The following ARHGAP10 variants were observed in gnomAD, a reference collection of about 807,000 sequenced individuals.
ARHGAP10 encodes rho GTPase-activating protein 10.
A neutral mutation model predicts 108.6 loss-of-function variants in ARHGAP10; 87 were observed. The observed-to-expected ratio is 0.80, with a 90% CI of 0.67 to 0.96. ARHGAP10 has a LOEUF of 0.96. Ranked by LOEUF, ARHGAP10 falls within the 40% of genes least tolerant of loss-of-function variation. The pLI, the probability that ARHGAP10 is intolerant of heterozygous loss-of-function variation, is 0.00. For synonymous variants in ARHGAP10, 347 were observed against 341.1 expected (o/e 1.02, Z -0.19); for missense variants, 939 against 954.5 (o/e 0.98, Z 0.21).
chr4:147,963,961 T>C (rs1397235782), intron 16 of ARHGAP10, among the ~76,000 whole-genome samples: 2 of 152,244 alleles, frequency 1.3e-5, no homozygotes, highest in Admixed American at 6.5e-5. Flanking sequence ...ACTTCAGTTA[T>C]GATCTCATCT....
At chr4:147,798,771 CTCTCTCTCTCTATATATATA>C (rs1560764809) in intron 1 of ARHGAP10, among the ~76,000 whole-genome samples, 5 of 5,008 alleles carry the variant, frequency 1.0e-3, no homozygotes, top group African/African-American at 1.2e-3. Flanking sequence ...CTCTCTCTCT[CTCTCTCTCTCTATATATATA>C]TATATATATA....
At chr4:148,006,549 C>G (rs1428363604) in intron 18 of ARHGAP10, among the ~76,000 whole-genome samples, 1 of 152,118 alleles carries the variant, frequency 6.6e-6, no homozygotes, top group East Asian at 1.9e-4. Flanking sequence ...TTAGAGAGCT[C>G]TTTCATCAAC....
chr4:148,043,421 G>T (rs569044193), intron 19 of ARHGAP10, among the ~76,000 whole-genome samples: 2 of 151,732 alleles, frequency 1.3e-5, no homozygotes, highest in African/African-American at 4.8e-5. Flanking sequence ...GAAATGATAG[G>T]TGAAAAATAA....
rs1028497840 is a variant in ARHGAP10 at position 148,062,877 on chromosome 4, T to C, written c.2028-271T>C. 8.5e-5 allele frequency among the ~76,000 whole-genome samples: 13 copies of C among 152,222 alleles called. 1 individual carries two copies. Among genetic ancestry groups the C allele is most frequent in the Admixed American group, 8.5e-4 (13 of 15,278 alleles). ...AATTAGATTCTGGTTTTCTAATTAG[T>C]GAACTCATAGGGTGCTAGCAGGTTG... On this transcript the variant is annotated intron_variant, in intron 20 of 22. Transcript: ENST00000336498.
chr4:147,848,553 C>G (rs1733727260), intron 4 of ARHGAP10, among the ~76,000 whole-genome samples: 1 of 152,220 alleles, frequency 6.6e-6, no homozygotes. Context: ...TTGATTGTGT[C>G]TCTTTAAGCT....
At chr4:148,036,104 GTA>G (rs1553974002) in intron 19 of ARHGAP10, among the ~76,000 whole-genome samples, 81 of 150,568 alleles carry the variant, frequency 5.4e-4, no homozygotes, top group African/African-American at 1.9e-3. Flanking sequence ...GTGTGTGTGT[GTA>G]TACTTTTCCA....
intron 10 of ARHGAP10, among the ~76,000 whole-genome samples, chr4:147,903,954 GTTTTCAGTTCC>G (rs1255612775): frequency 6.6e-6 from 1 of 152,182 alleles, no homozygotes; most frequent in Non-Finnish European, 1.5e-5. Context: ...TGTAGACATA[GTTTTCAGTTCC>G]TTTAGGTAAC....
rs753717998 is a variant in ARHGAP10, at chr4:147,909,681, A to T, written c.1117-51A>T. The T allele has an allele frequency of 7.3e-6, 11 of 1,500,446 alleles. No homozygotes were observed. The Admixed American group carries it at 1.2e-4, about 16-fold the overall frequency. 92.9% of individuals were successfully genotyped at this position (1,500,446 alleles called of 1,614,324 possible). On this transcript the variant is annotated intron_variant, in intron 11 of 22. Coordinates refer to ENST00000336498, the MANE Select transcript of ARHGAP10 (RefSeq NM_024605.4). The stretch of plus-strand genomic sequence containing the variant: ...GGTCCTCAGTGTGCCTACTTGAATA[A>T]TTTTTGCTGATTTGATTAAAAAATT...
intron 20 of ARHGAP10, among the ~76,000 whole-genome samples, chr4:148,062,684 A>G (rs558983639): frequency 3.7e-4 from 56 of 152,366 alleles, no homozygotes; most frequent in Admixed American, 1.9e-3. Context: ...GCCTGAATCC[A>G]GTGGCATTTT....
chr4:148,031,590 G>T (rs990735349), intron 19 of ARHGAP10, among the ~76,000 whole-genome samples: 1 of 152,160 alleles, frequency 6.6e-6, no homozygotes, highest in Non-Finnish European at 1.5e-5. Context: ...AACAGACATT[G>T]CCATTTGTCT....
At chr4:147,774,767 G>A (rs940327553) in intron 1 of ARHGAP10, among the ~76,000 whole-genome samples, 1 of 152,106 alleles carries the variant, frequency 6.6e-6, no homozygotes, top group Non-Finnish European at 1.5e-5. Context: ...ATTACCTCTT[G>A]GGGCAAAGAT....
intron 16 of ARHGAP10, among the ~76,000 whole-genome samples, chr4:147,955,907 T>A (rs895746052): frequency 3.3e-5 from 5 of 152,088 alleles, no homozygotes; most frequent in African/African-American, 1.2e-4. Flanking sequence ...AAATGTTAAA[T>A]GAAAAAGGCC....
intron 13 of ARHGAP10, among the ~76,000 whole-genome samples, chr4:147,920,070 T>C (rs779789678): frequency 5.9e-5 from 9 of 152,078 alleles, no homozygotes; most frequent in Non-Finnish European, 1.2e-4. Context: ...GTTATCTTCA[T>C]GTTGATAGTG....
intron 7 of ARHGAP10, among the ~76,000 whole-genome samples, chr4:147,870,494 G>C (rs1255280053): frequency 6.6e-6 from 1 of 151,390 alleles, no homozygotes; most frequent in Non-Finnish European, 1.5e-5. Context: ...AAAGGTAAAA[G>C]GTATTTAAAA....
intron 13 of ARHGAP10, among the ~76,000 whole-genome samples, chr4:147,915,250 A>C (rs934658995): frequency 6.6e-6 from 1 of 152,232 alleles, no homozygotes; most frequent in Non-Finnish European, 1.5e-5. Context: ...TTACAGTGGC[A>C]ATTCACACTG....
chr4:147,750,011 G>C (rs1729077952), intron 1 of ARHGAP10, among the ~76,000 whole-genome samples: 1 of 152,158 alleles, frequency 6.6e-6, no homozygotes, highest in South Asian at 2.1e-4. Flanking sequence ...ACCTGAGTGT[G>C]GCAGGACTGA....
intron 1 of ARHGAP10, among the ~76,000 whole-genome samples, chr4:147,784,411 TTA>T (rs1223259166): frequency 5.5e-5 from 7 of 126,644 alleles, no homozygotes; most frequent in South Asian, 5.9e-4. Context: ...TAATATAAAG[TTA>T]TATATAATTT....
chr4:147,908,905 T>C (rs1736616416), intron 11 of ARHGAP10, among the ~76,000 whole-genome samples: 1 of 152,194 alleles, frequency 6.6e-6, no homozygotes, highest in East Asian at 1.9e-4. Context: ...GATGTTCCTT[T>C]TTGTTATTTA....
At chr4:147,803,692 T>G (rs1731668824) in intron 1 of ARHGAP10, among the ~76,000 whole-genome samples, 1 of 152,208 alleles carries the variant, frequency 6.6e-6, no homozygotes, top group African/African-American at 2.4e-5. Context: ...TACTTGTCTT[T>G]CTGTGTGTGG....
Sources: gnomAD v4.1 joint callset for allele counts (sites outside exome capture counted in the v4.1 genomes callset) on GRCh38, gnomAD v4.1.1 for gene constraint, MANE v1.5 for transcripts, NCBI Gene and HGNC (gene_info 2026-07-23, HGNC 2026-07-21) for gene names.